Variants in KIRREL3 observed in about 807,000 individuals in gnomAD.
KIRREL3 encodes the protein kirre like nephrin family adhesion molecule 3, also known as kin of IRRE-like protein 3.
KIRREL3 carries 36 observed loss-of-function variants against 89.7 expected under a neutral mutation model. The observed-to-expected ratio is 0.40, with a 90% CI of 0.31 to 0.53. The LOEUF (loss-of-function observed/expected upper bound fraction) is 0.53, where lower values mean the gene tolerates loss of function less well. Among genes scored for constraint, KIRREL3 ranks in the 20% least tolerant of loss-of-function variants. The pLI, the probability that KIRREL3 is intolerant of heterozygous loss-of-function variation, is 0.49. For missense variants in KIRREL3, 864 were observed against 1,056.6 expected (o/e 0.82, Z 2.53); for synonymous variants, 445 against 441.4 (o/e 1.01, Z -0.10).
rs1157662751 is a variant in KIRREL3 at position 126,431,258 on chromosome 11, T to TCACATACA, written c.1696+153_1696+160dup. On this transcript the variant is annotated intron_variant, in intron 14 of 16. Coordinates refer to ENST00000525144, the MANE Select transcript of KIRREL3 (RefSeq NM_032531.4). The surrounding 1 kb of genome is among the most constrained non-coding windows in gnomAD (Gnocchi z 7.1). ...CTGCCAGGCGCCATGTTGCCCAGGC[T>TCACATACA]CACATACACCGATGCATCAGACCCA... is the stretch of plus-strand genomic sequence containing the variant. 9 of 1,538,096 alleles carry TCACATACA rather than the reference T, an allele frequency of 5.9e-6. No homozygotes were observed. The highest frequency in any genetic ancestry group is 1.7e-4 in the Middle Eastern group (1 of 5,940).
At chr11:126,671,669 CAT>C (rs1020871618) in intron 1 of KIRREL3, among the ~76,000 whole-genome samples, 2 of 151,454 alleles carry the variant, frequency 1.3e-5, no homozygotes, top group African/African-American at 4.9e-5. Flanking sequence ...GGCAAAGAAA[CAT>C]ATCAAAAGAT....
chr11:126,963,630 C>T lies in KIRREL3; in HGVS notation c.55+36825G>A, dbSNP rs79766490. Among the ~76,000 whole-genome samples, 776 of 152,272 alleles carry T rather than the reference C, an allele frequency of 5.1e-3. 7 individuals are homozygous for T. The highest frequency in any genetic ancestry group is 0.018 in the African/African-American group (744 of 41,556). On this transcript the variant is annotated intron_variant, in intron 1 of 16. Transcript: ENST00000525144. ...AAACATGATAAACACAGCAGGCATG[C>T]TATTGATTTGGAATTTCACAACTGC...
At position 126,612,675 on chromosome 11, in the gene KIRREL3, C is replaced by T. The variant is rs1203473359; in HGVS notation, c.56-49763G>A. 3.3e-5 allele frequency among the ~76,000 whole-genome samples: 5 copies of T among 152,186 alleles called. No homozygotes were observed. Among genetic ancestry groups the T allele is most frequent in the East Asian group, 3.8e-4 (2 of 5,198 alleles). On this transcript the variant is annotated intron_variant, in intron 1 of 16. Coordinates refer to ENST00000525144, the MANE Select transcript of KIRREL3 (RefSeq NM_032531.4). The surrounding 1 kb of genome is among the most constrained non-coding windows in gnomAD (Gnocchi z 4.5). ...CATCACTCCCCATTTCTGTCCCCGT[C>T]GGTAGCCATTAACCCACTTTCTGCC...
chr11:126,465,085 G>T (rs1438807381), intron 5 of KIRREL3, among the ~76,000 whole-genome samples: 2 of 152,120 alleles, frequency 1.3e-5, no homozygotes, highest in East Asian at 3.9e-4. Flanking sequence ...GTGTGTGGGG[G>T]TGCACTTCCA....
chr11:126,704,952 G>A lies in KIRREL3; in HGVS notation c.56-142040C>T, dbSNP rs1947468538. Among the ~76,000 whole-genome samples the A allele has an allele frequency of 1.3e-5, 2 of 152,176 alleles. No individual in the cohort carries two copies. The highest frequency in any genetic ancestry group is 1.9e-4 in the East Asian group (1 of 5,194). On this transcript the variant is annotated intron_variant, in intron 1 of 16. Coordinates refer to ENST00000525144, the MANE Select transcript of KIRREL3 (RefSeq NM_032531.4). This position sits in a 1 kb window ranked among gnomAD's most constrained non-coding sequence, Gnocchi z 4.2. The stretch of plus-strand genomic sequence containing the variant: ...CCACCTTGCTAAAAACTGTCAGCCA[G>A]CTCTAGGCAGCTCCAGAGCTGTATG...
At chr11:126,972,652 C>T (rs772010527) in intron 1 of KIRREL3, among the ~76,000 whole-genome samples, 5 of 152,160 alleles carry the variant, frequency 3.3e-5, no homozygotes, top group Non-Finnish European at 4.4e-5. Flanking sequence ...TCTGACATGC[C>T]CAATGTTGTT....
chr11:126,681,664 T>C (rs1223983845), intron 1 of KIRREL3: 1 of 333,342 alleles, frequency 3.0e-6, no homozygotes, highest in East Asian at 7.6e-5. Flanking sequence ...TGCTTGAGAT[T>C]TGCAAATTGT....
intron 1 of KIRREL3, among the ~76,000 whole-genome samples, chr11:126,942,839 A>C (rs1277038626): frequency 3.3e-5 from 5 of 152,092 alleles, no homozygotes; most frequent in Admixed American, 6.5e-5. Context: ...CTTTCCATGC[A>C]ATCTCCCTTT....
rs1945077716 is a variant in KIRREL3 at position 126,870,665 on chromosome 11, C to T, written c.55+129790G>A. 6.6e-6 allele frequency among the ~76,000 whole-genome samples: 1 copy of T among 152,162 alleles called. No individual in the cohort carries two copies. Among genetic ancestry groups the T allele is most frequent in the African/African-American group, 2.4e-5 (1 of 41,444 alleles). On this transcript the variant is annotated intron_variant, in intron 1 of 16. Coordinates refer to ENST00000525144, the MANE Select transcript of KIRREL3 (RefSeq NM_032531.4). The surrounding 1 kb of genome is among the most constrained non-coding windows in gnomAD (Gnocchi z 4.4). Reference sequence around the variant, plus strand: ...CGTTTCCAATTCCACTCATGGCCGCCATCTATTTGCACAGCTCATCTGGGA... The same window carrying T: ...CGTTTCCAATTCCACTCATGGCCGCTATCTATTTGCACAGCTCATCTGGGA...
rs201843914 is a variant in KIRREL3 at position 126,954,265 on chromosome 11, TAA to T, written c.55+46188_55+46189del. On this transcript the variant is annotated intron_variant, in intron 1 of 16. Coordinates refer to ENST00000525144, the MANE Select transcript of KIRREL3 (RefSeq NM_032531.4). This position sits in a 1 kb window ranked among gnomAD's most constrained non-coding sequence, Gnocchi z 4.1. The stretch of plus-strand genomic sequence containing the variant: ...TCTGGGAAGCTTTCATCAGGCCTCT[TAA>T]AAAAAAAAAAGCCCTGCCTCACAGT... Among the ~76,000 whole-genome samples, 2 of 139,990 alleles carry T rather than the reference TAA, an allele frequency of 1.4e-5. No individual in the cohort carries two copies. The highest frequency in any genetic ancestry group is 1.6e-5 in the Non-Finnish European group (1 of 64,058). 91.8% of individuals were successfully genotyped at this position (139,990 alleles called of 152,430 possible).
At chr11:126,695,119 A>G (rs1373397709) in intron 1 of KIRREL3, among the ~76,000 whole-genome samples, 1 of 152,248 alleles carries the variant, frequency 6.6e-6, no homozygotes, top group East Asian at 1.9e-4. Flanking sequence ...CAGGATAGCT[A>G]TGAAAGAGAC....
chr11:126,923,381 TTC>T, intron 1 of KIRREL3, among the ~76,000 whole-genome samples: 1 of 908 alleles, frequency 1.1e-3, no homozygotes, highest in East Asian at 6.0e-3. Flanking sequence ...TTCTTCCTTC[TTC>T]TTCTTCCTCT....
chr11:126,507,037 A>G (rs1958043197), intron 4 of KIRREL3, among the ~76,000 whole-genome samples: 1 of 152,368 alleles, frequency 6.6e-6, no homozygotes. Context: ...TTCAGCAATA[A>G]AAAGAAGTGA....
chr11:126,578,244 T>C lies in KIRREL3; in HGVS notation c.56-15332A>G, dbSNP rs1241357717. ...TAGGATGTTTCGGTCCTGGGATGCTTGCAGCCCAGGAAATGCTCCCTCCCT... is the reference window on the plus strand; with the variant it reads ...TAGGATGTTTCGGTCCTGGGATGCTCGCAGCCCAGGAAATGCTCCCTCCCT... On this transcript the variant is annotated intron_variant, in intron 1 of 16. Coordinates refer to ENST00000525144, the MANE Select transcript of KIRREL3 (RefSeq NM_032531.4). This position sits in a 1 kb window ranked among gnomAD's most constrained non-coding sequence, Gnocchi z 4.9. Among the ~76,000 whole-genome samples the C allele has an allele frequency of 6.6e-6, 1 of 152,182 alleles. No homozygotes were observed. The highest frequency in any genetic ancestry group is 1.5e-5 in the Non-Finnish European group (1 of 68,026).
rs1316915881 is a variant in KIRREL3 at position 126,528,717 on chromosome 11, G to A, written c.134-2030C>T. Reference sequence around the variant, plus strand: ...GCACCAAAACAGGGTAGAAAAGGAGGGAAGAGATGAGAGAGGAGAAGGGGA... The same window carrying A: ...GCACCAAAACAGGGTAGAAAAGGAGAGAAGAGATGAGAGAGGAGAAGGGGA... On this transcript the variant is annotated intron_variant, in intron 2 of 16. Transcript: ENST00000525144. The surrounding 1 kb of genome is among the most constrained non-coding windows in gnomAD (Gnocchi z 4.6). Among the ~76,000 whole-genome samples, 1 of 151,822 alleles carries A rather than the reference G, an allele frequency of 6.6e-6. No homozygotes were observed. The highest frequency in any genetic ancestry group is 1.5e-5 in the Non-Finnish European group (1 of 67,986).
At chr11:126,616,104 G>A (rs1316122986) in intron 1 of KIRREL3, among the ~76,000 whole-genome samples, 1 of 152,212 alleles carries the variant, frequency 6.6e-6, no homozygotes, top group Non-Finnish European at 1.5e-5. Flanking sequence ...AGCAGCTGAG[G>A]AAGGAGCAGG....
At position 126,872,854 on chromosome 11, in the gene KIRREL3, G is replaced by T. The variant is rs1826097989; in HGVS notation, c.55+127601C>A. On this transcript the variant is annotated intron_variant, in intron 1 of 16. Coordinates refer to ENST00000525144, the MANE Select transcript of KIRREL3 (RefSeq NM_032531.4). The surrounding 1 kb of genome is among the most constrained non-coding windows in gnomAD (Gnocchi z 4.2). ...GGGGTTTGAAAGGTAGCCCAGCTCT[G>T]GGAGCAGGCCTCCTGGGCATCTAAG... Among the ~76,000 whole-genome samples, 1 of 152,170 alleles carries T rather than the reference G, an allele frequency of 6.6e-6. No individual in the cohort carries two copies. The highest frequency in any genetic ancestry group is 2.4e-5 in the African/African-American group (1 of 41,434).
chr11:126,915,909 G>A (rs1947019963), intron 1 of KIRREL3, among the ~76,000 whole-genome samples: 1 of 152,066 alleles, frequency 6.6e-6, no homozygotes, highest in Non-Finnish European at 1.5e-5. Context: ...TCTTCACAAA[G>A]GTTCCAGTCT....
intron 2 of KIRREL3, among the ~76,000 whole-genome samples, chr11:126,540,169 G>C (rs1462505407): frequency 6.6e-6 from 1 of 152,164 alleles, no homozygotes; most frequent in Admixed American, 6.5e-5. Context: ...CTGGGAGAGA[G>C]ACAAAGAAAC....
Sources: gnomAD v4.1 joint callset for allele counts (sites outside exome capture counted in the v4.1 genomes callset) on GRCh38, gnomAD v4.1.1 for gene constraint, Gnocchi (gnomAD v3.1) non-coding constraint, MANE v1.5 for transcripts, NCBI Gene and HGNC (gene_info 2026-07-23, HGNC 2026-07-21) for gene names.